Variants in CORIN observed in about 807,000 individuals in gnomAD.
The protein encoded by CORIN is atrial natriuretic peptide-converting enzyme.
CORIN carries 117 observed loss-of-function variants against 125.3 expected under a neutral mutation model. The observed-to-expected ratio is 0.93, with a 90% CI of 0.80 to 1.09. The LOEUF is 1.09. Among genes scored for constraint, CORIN ranks in the 50% least tolerant of loss-of-function variants. CORIN has a pLI of 0.00. For synonymous variants in CORIN, 450 were observed against 466.4 expected, an observed-to-expected ratio of 0.96 and a Z score of 0.45; for missense variants, 1,253 against 1,306.7, an observed-to-expected ratio of 0.96 and a Z score of 0.63.
At chr4:47,752,016 A>G (rs1469063142) in intron 4 of CORIN, among the ~76,000 whole-genome samples, 1 of 151,772 alleles carries the variant, frequency 6.6e-6, no homozygotes, top group Non-Finnish European at 1.5e-5. Context: ...TGATCCCATC[A>G]TGACCTCTTT....
chr4:47,689,728 C>G (rs62299175), intron 6 of CORIN, among the ~76,000 whole-genome samples: 645 of 152,248 alleles, frequency 4.2e-3, no homozygotes, highest in Middle Eastern at 6.8e-3. Flanking sequence ...ATCTTAACAA[C>G]AAAAGAGACA....
intron 1 of CORIN, among the ~76,000 whole-genome samples, chr4:47,808,234 G>C (rs1488778434): frequency 6.6e-6 from 1 of 152,054 alleles, no homozygotes; most frequent in Non-Finnish European, 1.5e-5. Context: ...TACATCACCA[G>C]GTTTTGTTGG....
At chr4:47,652,267 T>C (rs1723767046) in intron 13 of CORIN, among the ~76,000 whole-genome samples, 1 of 152,324 alleles carries the variant, frequency 6.6e-6, no homozygotes, top group African/African-American at 2.4e-5. Flanking sequence ...TTCCAGAAGA[T>C]GCATTAGTCC....
chr4:47,704,759 T>C (rs1027415648), intron 5 of CORIN, among the ~76,000 whole-genome samples: 2 of 152,146 alleles, frequency 1.3e-5, no homozygotes, highest in Non-Finnish European at 1.5e-5. Context: ...AGAGGTTTCA[T>C]AACATGAAGA....
At chr4:47,714,764 T>C (rs1368674762) in intron 5 of CORIN, among the ~76,000 whole-genome samples, 1 of 152,240 alleles carries the variant, frequency 6.6e-6, no homozygotes, top group East Asian at 1.9e-4. Flanking sequence ...TCACAGGCTA[T>C]AGTTTGCTGA....
At chr4:47,612,189 T>C (rs968772592) in intron 19 of CORIN, among the ~76,000 whole-genome samples, 1 of 152,136 alleles carries the variant, frequency 6.6e-6, no homozygotes, top group African/African-American at 2.4e-5. Context: ...ATCTGGTGAA[T>C]AGACTTTAGA....
chr4:47,810,155 T>C (rs945757189), intron 1 of CORIN, among the ~76,000 whole-genome samples: 1 of 150,906 alleles, frequency 6.6e-6, no homozygotes, highest in Non-Finnish European at 1.5e-5. Context: ...TTTTTGGTTT[T>C]GGTTTTGGGC....
chr4:47,659,141 T>C (rs1413054194), intron 12 of CORIN, among the ~76,000 whole-genome samples: 1 of 152,184 alleles, frequency 6.6e-6, no homozygotes, highest in Admixed American at 6.5e-5. Flanking sequence ...ATCTGAGATC[T>C]CATCAGCCTG....
At chr4:47,613,214 G>T (rs1336605528) in intron 19 of CORIN, among the ~76,000 whole-genome samples, 1 of 152,192 alleles carries the variant, frequency 6.6e-6, no homozygotes, top group Non-Finnish European at 1.5e-5. Context: ...CAGCACTTTG[G>T]GAGGCTAAAG....
chr4:47,810,785 G>C (rs1040806183), intron 1 of CORIN, among the ~76,000 whole-genome samples: 1 of 152,042 alleles, frequency 6.6e-6, no homozygotes, highest in South Asian at 2.1e-4. Context: ...TAGGTGACTC[G>C]CATCTTTAAA....
At chr4:47,622,454 A>G (rs1164831964) in intron 19 of CORIN, among the ~76,000 whole-genome samples, 1 of 149,908 alleles carries the variant, frequency 6.7e-6, no homozygotes, top group Non-Finnish European at 1.5e-5. Flanking sequence ...GAACTAGTTT[A>G]CAGTCCCACC....
chr4:47,598,583 G>T (rs2109499552), intron 21 of CORIN, among the ~76,000 whole-genome samples: 1 of 152,220 alleles, frequency 6.6e-6, no homozygotes, highest in Non-Finnish European at 1.5e-5. Flanking sequence ...TGTGCCAAGA[G>T]GTGCTAGTTT....
At chr4:47,824,116 C>CT (rs199752598) in intron 1 of CORIN, among the ~76,000 whole-genome samples, 12,443 of 139,236 alleles carry the variant, frequency 0.089, 726 homozygotes, top group East Asian at 0.33. Flanking sequence ...AATGCTATTC[C>CT]TTTTTTTTTT....
chr4:47,606,234 T>A (rs1036846907), intron 19 of CORIN, among the ~76,000 whole-genome samples: 7 of 152,146 alleles, frequency 4.6e-5, no homozygotes, highest in Non-Finnish European at 1.0e-4. Context: ...CATTACAAGA[T>A]AATGTTACAG....
chr4:47,692,417 A>G (rs1284686751), intron 6 of CORIN, among the ~76,000 whole-genome samples: 1 of 152,168 alleles, frequency 6.6e-6, no homozygotes, highest in Non-Finnish European at 1.5e-5. Flanking sequence ...TCTATATTGG[A>G]CAAACCACTG....
At chr4:47,668,632 T>C (rs1200703763) in intron 10 of CORIN, among the ~76,000 whole-genome samples, 1 of 152,242 alleles carries the variant, frequency 6.6e-6, no homozygotes, top group African/African-American at 2.4e-5. Context: ...TCCGTTTCTT[T>C]CTTTCTACCA....
intron 2 of CORIN, among the ~76,000 whole-genome samples, chr4:47,791,210 AAG>A (rs1290226736): frequency 6.6e-6 from 1 of 152,182 alleles, no homozygotes; most frequent in Non-Finnish European, 1.5e-5. Context: ...AGAGGGAGAT[AAG>A]AGAGTATGTG....
chr4:47,622,000 TC>T (rs1381199100), intron 19 of CORIN, among the ~76,000 whole-genome samples: 2 of 49,324 alleles, frequency 4.1e-5, no homozygotes, highest in Non-Finnish European at 7.5e-5. Flanking sequence ...CCCTCCCCCC[TC>T]CCCCCACCCC....
At chr4:47,738,428 A>G (rs1728233013) in intron 5 of CORIN, among the ~76,000 whole-genome samples, 1 of 152,202 alleles carries the variant, frequency 6.6e-6, no homozygotes. Flanking sequence ...ATTCTGTCCA[A>G]CCATTAGTTG....
Sources: gnomAD v4.1 joint callset for allele counts (sites outside exome capture counted in the v4.1 genomes callset) on GRCh38, gnomAD v4.1.1 for gene constraint, MANE v1.5 for transcripts, NCBI Gene and HGNC (gene_info 2026-07-23, HGNC 2026-07-21) for gene names.